The following PCDH11X variants were observed in gnomAD, a reference collection of about 807,000 sequenced individuals.
The protein encoded by PCDH11X is protocadherin-11 X-linked.
A neutral mutation model predicts 53.3 loss-of-function variants in PCDH11X; 18 were observed. The observed-to-expected ratio is 0.34, with a 90% CI of 0.23 to 0.50. The LOEUF (loss-of-function observed/expected upper bound fraction) is 0.50. Among genes scored for constraint, PCDH11X ranks in the 20% least tolerant of loss-of-function variants. PCDH11X has a pLI of 0.98. For missense variants in PCDH11X, 570 were observed against 1,032.4 expected (o/e 0.55, Z 6.14); for synonymous variants, 279 against 393.3 (o/e 0.71, Z 3.44).
In PCDH11X at chrX:92,622,897, G is replaced by A. The variant is rs1928613009; in HGVS notation, c.*3957G>A. ...ATGTGCACAAATAAAAAAAATTAAT[G>A]GCAATTGTTTAGTGATTGTAAGTGA... On this transcript the variant is annotated 3_prime_UTR_variant, in exon 11 of 11. Coordinates refer to ENST00000682573, the MANE Select transcript of PCDH11X (RefSeq NM_032968.5). 2 of 111,342 alleles carry A rather than the reference G, an allele frequency of 1.8e-5. 1 individual carries two copies. The highest frequency in any genetic ancestry group is 1.9e-4 in the Admixed American group (2 of 10,381). The allele number at this position is 111,342 out of a possible 1,213,427, so 9.2% of individuals were successfully genotyped here. A position where few individuals can be genotyped will look rare whatever the true frequency, so the allele number is the denominator to read the frequency against.
At position 91,906,363 on chromosome X, in the gene PCDH11X, A is replaced by C. The variant is rs780057060; in HGVS notation, c.3033+27090A>C. On this transcript the variant is annotated intron_variant, in intron 6 of 10. Transcript: ENST00000682573. The stretch of plus-strand genomic sequence containing the variant: ...AGACTTCACCTTCTGTCACTATTAG[A>C]ATAAGAGAAACAAGCTGAATCAACA... Among the ~76,000 whole-genome samples, 302 of 109,874 alleles carry C rather than the reference A, an allele frequency of 2.7e-3. 1 individual carries two copies. The highest frequency in any genetic ancestry group is 9.4e-3 in the African/African-American group (285 of 30,228).
At chrX:92,369,817 G>A (rs1020864788) in intron 8 of PCDH11X, among the ~76,000 whole-genome samples, 8 of 110,430 alleles carry the variant, frequency 7.2e-5, no homozygotes, top group African/African-American at 9.9e-5. Context: ...CTCACCCTCC[G>A]TGGGTTGGAC....
chrX:92,000,694 C>A (rs897357476), intron 6 of PCDH11X, among the ~76,000 whole-genome samples: 1 of 107,799 alleles, frequency 9.3e-6, no homozygotes, highest in South Asian at 4.1e-4. Flanking sequence ...TATATTTTTA[C>A]CCATTAAACA....
intron 9 of PCDH11X, among the ~76,000 whole-genome samples, chrX:92,448,636 C>G (rs2072710245): frequency 1.0e-5 from 1 of 98,434 alleles, no homozygotes; most frequent in Non-Finnish European, 2.0e-5. Context: ...TGAAAATGGA[C>G]TAACACACGA....
chrX:92,030,555 C>T (rs1387855074), intron 6 of PCDH11X, among the ~76,000 whole-genome samples: 2 of 108,241 alleles, frequency 1.8e-5, no homozygotes, highest in Non-Finnish European at 3.8e-5. Context: ...TATAGTCACC[C>T]TGCTGTGCTA....
chrX:92,372,784 T>C (rs1158824970), intron 8 of PCDH11X, among the ~76,000 whole-genome samples: 1 of 109,086 alleles, frequency 9.2e-6, no homozygotes, highest in Non-Finnish European at 1.9e-5. Flanking sequence ...GCATGTATCA[T>C]TGATAGATCA....
intron 6 of PCDH11X, among the ~76,000 whole-genome samples, chrX:92,038,727 G>C (rs941071697): frequency 1.9e-5 from 2 of 107,415 alleles, no homozygotes; most frequent in African/African-American, 6.9e-5. Flanking sequence ...ATGTGTCGTG[G>C]GAGGAACCCA....
intron 6 of PCDH11X, among the ~76,000 whole-genome samples, chrX:92,087,281 G>A (rs1184015276): frequency 4.7e-5 from 5 of 106,861 alleles, no homozygotes; most frequent in Non-Finnish European, 9.7e-5. Flanking sequence ...TTTTAGTAGT[G>A]GCGGGGTTTC....
chrX:91,925,524 C>A (rs1399369507), intron 6 of PCDH11X, among the ~76,000 whole-genome samples: 1 of 110,928 alleles, frequency 9.0e-6, no homozygotes, highest in Non-Finnish European at 1.9e-5. Context: ...GTTTTTGAAC[C>A]AAAACAGATT....
chrX:92,006,303 T>C (rs1308582587), intron 6 of PCDH11X, among the ~76,000 whole-genome samples: 1 of 109,099 alleles, frequency 9.2e-6, no homozygotes, highest in Non-Finnish European at 1.9e-5. Flanking sequence ...TTTATTCTTT[T>C]TTCTTTTGAC....
intron 6 of PCDH11X, among the ~76,000 whole-genome samples, chrX:91,902,703 G>T (rs1467225786): frequency 3.7e-5 from 4 of 108,610 alleles, no homozygotes; most frequent in African/African-American, 1.3e-4. Flanking sequence ...AGCTCTACTC[G>T]CTCTAAATTG....
At chrX:92,098,636 C>CTTTTTT (rs34306564) in intron 6 of PCDH11X, among the ~76,000 whole-genome samples, 8 of 43,902 alleles carry the variant, frequency 1.8e-4, no homozygotes, top group African/African-American at 7.8e-4. Flanking sequence ...TCCAAATGCT[C>CTTTTTT]TTTTTTTTTT....
chrX:91,850,742 A>G (rs1458151449), intron 5 of PCDH11X, among the ~76,000 whole-genome samples: 3 of 110,879 alleles, frequency 2.7e-5, no homozygotes, highest in Non-Finnish European at 5.7e-5. Flanking sequence ...TTAAATTAAA[A>G]CATGTGGCTG....
At chrX:91,981,772 A>G (rs2062142817) in intron 6 of PCDH11X, among the ~76,000 whole-genome samples, 1 of 106,326 alleles carries the variant, frequency 9.4e-6, no homozygotes, top group African/African-American at 3.4e-5. Context: ...GTGCAGGGTA[A>G]CTCCTGTTGT....
chrX:92,175,783 TATACAC>T (rs1224011731), intron 6 of PCDH11X, among the ~76,000 whole-genome samples: 3 of 85,849 alleles, frequency 3.5e-5, no homozygotes, highest in Admixed American at 1.3e-4. Flanking sequence ...TGTGTATATA[TATACAC>T]ACACACACAC....
chrX:91,943,448 C>T (rs754383390), intron 6 of PCDH11X, among the ~76,000 whole-genome samples: 3 of 110,426 alleles, frequency 2.7e-5, no homozygotes, highest in Non-Finnish European at 5.7e-5. Flanking sequence ...TAAAACAAAT[C>T]AATTAATATA....
chrX:92,304,338 A>G lies in PCDH11X; in HGVS notation c.3144+41195A>G, dbSNP rs759542057. Among the ~76,000 whole-genome samples the G allele has an allele frequency of 5.5e-4, 61 of 111,704 alleles. No individual in the cohort carries two copies. In the South Asian group the frequency reaches 6.0e-3, roughly 11 times the overall value. On this transcript the variant is annotated intron_variant, in intron 8 of 10. Coordinates refer to ENST00000682573, the MANE Select transcript of PCDH11X (RefSeq NM_032968.5). The stretch of plus-strand genomic sequence containing the variant: ...TGAAGACTTTCAAATCTACAGTCTG[A>G]AGCAAAGCAGAAACTGATTCAGATT...
At chrX:92,146,190 A>G (rs1428132226) in intron 6 of PCDH11X, among the ~76,000 whole-genome samples, 3 of 111,113 alleles carry the variant, frequency 2.7e-5, no homozygotes, top group Non-Finnish European at 5.7e-5. Flanking sequence ...GAATGGGCCA[A>G]TAAAAACTGA....
rs751312786 is a variant in PCDH11X at position 92,461,005 on chromosome X, G to C, written c.3344-7294G>C. The stretch of plus-strand genomic sequence containing the variant: ...GAGCAGGAGGCCAATAAAAAGTACA[G>C]AGTTAAAAAAAAAAAAGATTTAAAC... On this transcript the variant is annotated intron_variant, in intron 9 of 10. Coordinates refer to ENST00000682573, the MANE Select transcript of PCDH11X (RefSeq NM_032968.5). 305 of 567,992 alleles carry C rather than the reference G, an allele frequency of 5.4e-4. 3 individuals carry two copies. In the South Asian group the frequency reaches 9.2e-3, roughly 17 times the overall value. 46.8% of individuals were successfully genotyped at this position (567,992 alleles called of 1,213,427 possible).
Sources: allele counts gnomAD v4.1 joint callset (sites outside exome capture counted in the v4.1 genomes callset), GRCh38; gene constraint gnomAD v4.1.1; transcripts MANE v1.5; gene names NCBI Gene and HGNC (gene_info 2026-07-23, HGNC 2026-07-21).